RGL1: variants seen among roughly 807,000 people sequenced by gnomAD.
The protein encoded by RGL1 is ral guanine nucleotide dissociation stimulator-like 1.
RGL1 carries 24 observed loss-of-function variants against 95.2 expected under a neutral mutation model. That is an observed-to-expected ratio of 0.25 (90% CI 0.18 to 0.35). The LOEUF is 0.35. Among genes scored for constraint, RGL1 ranks in the 10% least tolerant of loss-of-function variants. The pLI, the probability that RGL1 is intolerant of heterozygous loss-of-function variation, is 1.00. For missense variants in RGL1, 715 were observed against 936.3 expected, an observed-to-expected ratio of 0.76 and a Z score of 3.08; for synonymous variants, 329 against 344.9, an observed-to-expected ratio of 0.95 and a Z score of 0.51.
chr1:183,873,180 A>G (rs1666283621), intron 4 of RGL1, among the ~76,000 whole-genome samples: 2 of 152,194 alleles, frequency 1.3e-5, no homozygotes. Context: ...CAATCATACG[A>G]GTATCTCCTA....
At position 183,760,568 on chromosome 1, in the gene RGL1, C is replaced by CAAAA. The variant is rs58715145; in HGVS notation, c.132+18301_132+18304dup. ...GCCATATAGCAAGATCCAGTCTCTG[C>CAAAA]AAAAAAAAAAAAAAAAAAAAAAAAA... On this transcript the variant is annotated intron_variant, in intron 2 of 18. Transcript: ENST00000304685. 8.9e-3 allele frequency among the ~76,000 whole-genome samples: 444 copies of CAAAA among 49,894 alleles called. 1 individual carries two copies. Among genetic ancestry groups the CAAAA allele is most frequent in the African/African-American group, 0.013 (161 of 12,340 alleles). The allele number at this position is 49,894 out of a possible 152,430, so 32.7% of individuals were successfully genotyped here.
chr1:183,870,910 C>T (rs1666146253), intron 4 of RGL1, among the ~76,000 whole-genome samples: 1 of 152,158 alleles, frequency 6.6e-6, no homozygotes, highest in Non-Finnish European at 1.5e-5. Context: ...GGTGAAGGAG[C>T]CTGGAGAACT....
At position 183,881,139 on chromosome 1, in the gene RGL1, C is replaced by A. The variant is rs183089249; in HGVS notation, c.610+339C>A. ...GAGGGTCTCCTTGATGAACTTTAAT[C>A]TTCCCTTATCAACATGTACCATGCT... On this transcript the variant is annotated intron_variant, in intron 5 of 17. Coordinates refer to ENST00000360851, the MANE Select transcript of RGL1 (RefSeq NM_001297671.3). Among the ~76,000 whole-genome samples, 111 of 152,256 alleles carry A rather than the reference C, an allele frequency of 7.3e-4. 1 individual carries two copies. The highest frequency in any genetic ancestry group is 2.6e-3 in the African/African-American group (106 of 41,546).
intron 2 of RGL1, among the ~76,000 whole-genome samples, chr1:183,842,603 CA>C (rs1032265241): frequency 1.4e-4 from 22 of 151,898 alleles, no homozygotes; most frequent in Non-Finnish European, 2.4e-4. Flanking sequence ...AAAGATCAAC[CA>C]AAAAAACAAA....
At chr1:183,874,878 T>A (rs184276641) in intron 4 of RGL1, among the ~76,000 whole-genome samples, 33 of 152,292 alleles carry the variant, frequency 2.2e-4, no homozygotes, top group African/African-American at 7.7e-4. Context: ...AGAGCAAAAC[T>A]GTTCTATGAT....
intron 2 of RGL1, among the ~76,000 whole-genome samples, chr1:183,799,254 A>G (rs919364414): frequency 6.6e-6 from 1 of 152,206 alleles, no homozygotes; most frequent in Non-Finnish European, 1.5e-5. Flanking sequence ...GACTATTGTG[A>G]ATAATGCTGC....
upstream of RGL1, among the ~76,000 whole-genome samples, chr1:183,802,846 C>G (rs908659576): frequency 6.6e-6 from 1 of 152,146 alleles, no homozygotes; most frequent in Non-Finnish European, 1.5e-5. Flanking sequence ...AACCTATCCT[C>G]TCAGGACTCT....
At chr1:183,782,434 C>T (rs893318594) in intron 2 of RGL1, among the ~76,000 whole-genome samples, 1 of 152,208 alleles carries the variant, frequency 6.6e-6, no homozygotes, top group Non-Finnish European at 1.5e-5. Flanking sequence ...CTTAAAAGCA[C>T]TTTGAAGCGT....
intron 4 of RGL1, among the ~76,000 whole-genome samples, chr1:183,867,029 C>T (rs1665882715): frequency 6.6e-6 from 1 of 152,100 alleles, no homozygotes; most frequent in South Asian, 2.1e-4. Context: ...AGAGACAGAA[C>T]CTTGGCTTTA....
At chr1:183,817,750 TACTG>T (rs368398736) in intron 2 of RGL1, among the ~76,000 whole-genome samples, 2 of 152,354 alleles carry the variant, frequency 1.3e-5, no homozygotes, top group African/African-American at 4.8e-5. Context: ...TCCCTGAATC[TACTG>T]ACTGTGTGTG....
At position 183,927,026 on chromosome 1, in the gene RGL1, T is replaced by C. The variant is rs1163019750; in HGVS notation, c.*734T>C. 6.6e-6 allele frequency: 1 copy of C among 152,558 alleles called. No homozygotes were observed. The highest frequency in any genetic ancestry group is 1.5e-5 in the Non-Finnish European group (1 of 68,042). 9.5% of individuals were successfully genotyped at this position (152,558 alleles called of 1,614,324 possible). Reference sequence around the variant, plus strand: ...CTAGCCATCATGACACCTCTGGAGGTGTCAAGCTCCTGAAACAAGCTCATT... The same window carrying C: ...CTAGCCATCATGACACCTCTGGAGGCGTCAAGCTCCTGAAACAAGCTCATT... On this transcript the variant is annotated 3_prime_UTR_variant, in exon 18 of 18. Transcript: ENST00000360851.
chr1:183,842,699 G>A (rs371923297), intron 2 of RGL1, among the ~76,000 whole-genome samples: 1 of 152,194 alleles, frequency 6.6e-6, no homozygotes, highest in South Asian at 2.1e-4. Context: ...GCTGTTTCCT[G>A]TTAGCGTGCT....
intron 4 of RGL1, among the ~76,000 whole-genome samples, chr1:183,867,015 G>A (rs913802395): frequency 3.9e-5 from 6 of 152,212 alleles, no homozygotes; most frequent in Non-Finnish European, 8.8e-5. Context: ...GGTTTGAGCA[G>A]CGGAGAGACA....
intron 17 of RGL1, 112 bp from the exon 18 acceptor site, chr1:183,925,993 G>A: frequency 1.2e-6 from 1 of 860,044 alleles, no homozygotes; most frequent in Non-Finnish European, 1.8e-6. Context: ...ACATTCCAGA[G>A]ATGAAGGGCC....
At chr1:183,920,237 A>T (rs756775537) in intron 16 of RGL1, among the ~76,000 whole-genome samples, 2 of 152,052 alleles carry the variant, frequency 1.3e-5, no homozygotes, top group Admixed American at 6.6e-5. Flanking sequence ...GGGTTTCACC[A>T]TGTTGGCCAG....
At chr1:183,884,644 T>G (rs926281012) in intron 6 of RGL1, 79 bp from the exon 7 acceptor site, 98 of 1,240,262 alleles carry the variant, frequency 7.9e-5, no homozygotes, top group East Asian at 1.4e-4. Flanking sequence ...AAATACCAAT[T>G]TACAAATGAC....
rs1414644582 is a variant in RGL1 at position 183,880,600 on chromosome 1, C to T, written c.426-16C>T. ...CAGCCAGTTGGGTGCAGTGACTCTC[C>T]ATTTGTCTTTCTCAGTGCAATCGCT... On this transcript the variant is annotated splice_polypyrimidine_tract_variant and intron_variant, in intron 4 of 17. Coordinates refer to ENST00000360851, the MANE Select transcript of RGL1 (RefSeq NM_001297671.3). 6.2e-7 allele frequency: 1 copy of T among 1,612,322 alleles called. No individual in the cohort carries two copies. The highest frequency in any genetic ancestry group is 8.5e-7 in the Non-Finnish European group (1 of 1,179,242).
chr1:183,721,541 C>T (rs778389224), intron 1 of RGL1, among the ~76,000 whole-genome samples: 14 of 152,296 alleles, frequency 9.2e-5, no homozygotes, highest in African/African-American at 3.1e-4. Flanking sequence ...TGTTAGAAAA[C>T]GCCTTTCCCC....
At chr1:183,861,130 AC>A (rs1665489717) in intron 3 of RGL1, among the ~76,000 whole-genome samples, 1 of 152,178 alleles carries the variant, frequency 6.6e-6, no homozygotes, top group African/African-American at 2.4e-5. Flanking sequence ...GGAGAACTAA[AC>A]CAAGCCAGCA....
Sources: allele counts gnomAD v4.1 joint callset (sites outside exome capture counted in the v4.1 genomes callset), GRCh38; gene constraint gnomAD v4.1.1; transcripts MANE v1.5; gene names NCBI Gene and HGNC (gene_info 2026-07-23, HGNC 2026-07-21).